FHIP2B: variants seen among roughly 807,000 people sequenced by gnomAD.
The protein encoded by FHIP2B is FHF complex subunit HOOK interacting protein 2B.
Under a neutral mutation model 84.0 loss-of-function variants are expected in FHIP2B, and 72 were observed. That is an observed-to-expected ratio of 0.86 (90% CI 0.71 to 1.04). The LOEUF (loss-of-function observed/expected upper bound fraction) is 1.04, where lower values mean the gene tolerates loss of function less well. Ranked by LOEUF, FHIP2B falls within the 50% of genes least tolerant of loss-of-function variation. The pLI is 0.00. For synonymous variants in FHIP2B, 497 were observed against 418.7 expected (o/e 1.19, Z -2.28); for missense variants, 972 against 968.9 (o/e 1.00, Z -0.04).
At chr8:22,101,984 C>A in intron 14 of FHIP2B, 133 bp downstream of exon 14, 1 of 1,498,222 alleles carries the variant, frequency 6.7e-7, no homozygotes, top group Non-Finnish European at 8.9e-7. Context: ...AGGTGGGAAG[C>A]CCCGTCTCAC....
At chr8:22,093,706 G>GTGTTT (rs1328224891) in intron 1 of FHIP2B, among the ~76,000 whole-genome samples, 1 of 36,212 alleles carries the variant, frequency 2.8e-5, no homozygotes, top group African/African-American at 1.3e-4. Context: ...GAAAAGCTTT[G>GTGTTT]TCTTTTTTTT....
At chr8:22,098,920 C>CT in intron 7 of FHIP2B, 28 bp from the exon 8 acceptor site, 1 of 1,557,372 alleles carries the variant, frequency 6.4e-7, no homozygotes, top group South Asian at 1.2e-5. Context: ...TCTCCACTCT[C>CT]TGAGACTTCA....
intron 9 of FHIP2B, 138 bp downstream of exon 9, chr8:22,099,498 G>C: frequency 2.7e-6 from 3 of 1,123,150 alleles, no homozygotes; most frequent in Non-Finnish European, 3.8e-6. Context: ...ATGTTTGCCA[G>C]GCCTGCCCCA....
intron 14 of FHIP2B, 36 bp from the exon 15 acceptor site, chr8:22,102,139 T>A: frequency 4.3e-6 from 7 of 1,612,884 alleles, no homozygotes; most frequent in Non-Finnish European, 5.9e-6. Context: ...TCACCAGCCC[T>A]GCCAGCCCTC....
rs543508376 is a variant in FHIP2B, at chr8:22,101,893, C to T, written c.1851+42C>T. 3.7e-6 allele frequency: 6 copies of T among 1,600,656 alleles called. No homozygotes were observed. The East Asian group carries it at 1.4e-4, about 36-fold the overall frequency. Reference sequence around the variant, plus strand: ...GGCCAGGAGAACTCCAGGCTGGTGCCTCTGGGGTCCTTCAAGAGCAGAGGT... The same window carrying T: ...GGCCAGGAGAACTCCAGGCTGGTGCTTCTGGGGTCCTTCAAGAGCAGAGGT... On this transcript the variant is annotated intron_variant, in intron 14 of 16. Transcript: ENST00000289921.
chr8:22,089,400 C>A, intron 1 of FHIP2B, 102 bp downstream of exon 1: 1 of 637,240 alleles, frequency 1.6e-6, no homozygotes, highest in Non-Finnish European at 1.9e-6. Context: ...CGGGCGGGCG[C>A]GGGCCCCCTC....
Position 22,091,689 on chromosome 8 carries a change from G to T in FHIP2B, c.45+2391G>T, listed in dbSNP as rs140288560. The stretch of plus-strand genomic sequence containing the variant: ...CTGTGCTGGTTAACCTGCCTCTCCC[G>T]TGTCTCCTGCCGTACTGGAGTATTC... On this transcript the variant is annotated intron_variant, in intron 1 of 16. Coordinates refer to ENST00000289921, the MANE Select transcript of FHIP2B (RefSeq NM_022749.7). Among the ~76,000 whole-genome samples the T allele has an allele frequency of 4.4e-4, 67 of 152,258 alleles. 2 individuals carry two copies. The East Asian group carries it at 0.012, about 28-fold the overall frequency.
chr8:22,095,639 G>T (rs954797556), intron 2 of FHIP2B: 4 of 152,278 alleles, frequency 2.6e-5, no homozygotes, highest in African/African-American at 9.6e-5. Flanking sequence ...GACCAGAAGG[G>T]TTGGAAGTGC....
Position 22,096,517 on chromosome 8 carries a change from GC to G in FHIP2B, c.297+11del, listed in dbSNP as rs1299213059. On this transcript the variant is annotated intron_variant, in intron 3 of 16. Coordinates refer to ENST00000289921, the MANE Select transcript of FHIP2B (RefSeq NM_022749.7). ...ACGCTGGGCAAGGCCGAGGTGGGAG[GC>G]CCTCTGCGCGCTGGGCCAGGCCGAG... The G allele has an allele frequency of 2.0e-6, 3 of 1,516,480 alleles. No individual in the cohort carries two copies. Among genetic ancestry groups the G allele is most frequent in the South Asian group, 1.3e-5 (1 of 79,910 alleles). The allele number at this position is 1,516,480 out of a possible 1,614,324, so 93.9% of individuals were successfully genotyped here. A position where few individuals can be genotyped will look rare whatever the true frequency, so the allele number is the denominator to read the frequency against.
rs747442134 is a variant in FHIP2B, at chr8:22,098,317, G to A, written c.768+7G>A. ...TGGGCTGTGCCAGAGCAAGGTGCTG[G>A]CAGCAGAGATGGAGAGGTTGGGGGT... On this transcript the variant is annotated splice_region_variant and intron_variant, in intron 6 of 16. Coordinates refer to ENST00000289921, the MANE Select transcript of FHIP2B (RefSeq NM_022749.7). The A allele has an allele frequency of 1.0e-5, 15 of 1,505,764 alleles. No homozygotes were observed. The South Asian group carries it at 1.7e-4, about 17-fold the overall frequency. 93.3% of individuals were successfully genotyped at this position (1,505,764 alleles called of 1,614,324 possible).
chr8:22,089,442 C>T (rs1046179085), intron 1 of FHIP2B, 144 bp downstream of exon 1: 62 of 293,708 alleles, frequency 2.1e-4, no homozygotes, highest in African/African-American at 1.3e-3. Flanking sequence ...GGCGCCCCTT[C>T]CTCTGCCTCC....
At position 22,101,493 on chromosome 8, in the gene FHIP2B, C is replaced by T. The variant is rs915266873; in HGVS notation, c.1670C>T (p.Thr557Ile). The T allele has an allele frequency of 8.1e-6, 13 of 1,612,662 alleles. No homozygotes were observed. In the African/African-American group the frequency reaches 1.3e-4, roughly 17 times the overall value. Residue 557 changes from threonine (T) to isoleucine (I), a missense_variant, in exon 13 of 17, where the codon ACA becomes ATA. Physicochemically the swap from Thr to Ile is moderately conservative, Grantham distance 89. Coordinates refer to ENST00000289921, the MANE Select transcript of FHIP2B (RefSeq NM_022749.7). ...EAKTSAFLEE[T>I]GYDTYVHDAY... is the part of the protein sequence containing the mutation. ...AAGACCTCTGCCTTCCTGGAGGAGA[C>T]AGGCTATGACACATACGTCCACGAT...
rs1826249346 is a variant in FHIP2B, at chr8:22,103,667, C to G, written c.*736C>G. ...TCTCTGGCGCCTTCTGAACCCGTCT[C>G]AGCAGGTCCACAGCACCTGGGCAGA... On this transcript the variant is annotated 3_prime_UTR_variant, in exon 17 of 17. Coordinates refer to ENST00000289921, the MANE Select transcript of FHIP2B (RefSeq NM_022749.7). 6.6e-6 allele frequency: 1 copy of G among 152,362 alleles called. No individual in the cohort carries two copies. The highest frequency in any genetic ancestry group is 2.1e-4 in the South Asian group (1 of 4,840). The allele number at this position is 152,362 out of a possible 1,614,324, so 9.4% of individuals were successfully genotyped here. A position where few individuals can be genotyped will look rare whatever the true frequency, so the allele number is the denominator to read the frequency against.
chr8:22,099,122 C>A (rs985463366), intron 8 of FHIP2B, 66 bp downstream of exon 8: 20 of 1,500,384 alleles, frequency 1.3e-5, no homozygotes, highest in Non-Finnish European at 1.8e-5. Context: ...TCTCGAGGAC[C>A]AAGTGGAGCA....
Position 22,102,317 on chromosome 8 carries a change from T to C in FHIP2B, c.1992+2T>C. 1 of 1,609,008 alleles carries C rather than the reference T, an allele frequency of 6.2e-7. No homozygotes were observed. On this transcript the variant is annotated splice_donor_variant, in intron 15 of 16. Transcript: ENST00000289921. LOFTEE classifies it high-confidence loss of function. ...AGCCTATTCTCCGTGTTGGTGAGGG[T>C]GAGGACGCCTCGGCCCAAGGGAGTG...
At position 22,101,477 on chromosome 8, in the gene FHIP2B, G is replaced by A; in HGVS notation, c.1654G>A (p.Ala552Thr). Residue 552 changes from alanine to threonine, a missense_variant, in exon 13 of 17, where the codon GCC becomes ACC. Physicochemically the swap from Ala to Thr is moderately conservative, Grantham distance 58 (BLOSUM62 0). Transcript: ENST00000289921. Reference sequence around the variant, plus strand: ...GGTCCCCGAGGAAGCCAAGACCTCTGCCTTCCTGGAGGAGACAGGCTATGA... The same window carrying A: ...GGTCCCCGAGGAAGCCAAGACCTCTACCTTCCTGGAGGAGACAGGCTATGA... ...CLVPEEAKTS[A>T]FLEETGYDTY... is the part of the protein sequence containing the mutation. 6.2e-7 allele frequency: 1 copy of A among 1,612,750 alleles called. No individual in the cohort carries two copies. The highest frequency in any genetic ancestry group is 8.5e-7 in the Non-Finnish European group (1 of 1,179,244).
intron 3 of FHIP2B, chr8:22,097,007 G>A (rs192190601): frequency 7.9e-4 from 139 of 175,410 alleles, no homozygotes; most frequent in African/African-American, 3.1e-3. Context: ...TCGTGAGACC[G>A]CACTCCTGCC....
At chr8:22,098,843 C>T (rs894281521) in intron 7 of FHIP2B, 105 bp from the exon 8 acceptor site, 6 of 1,065,402 alleles carry the variant, frequency 5.6e-6, no homozygotes, top group Non-Finnish European at 8.3e-6. Context: ...TCCCCAGCCA[C>T]AGAGGTTCCA....
In FHIP2B at chr8:22,102,945, C is replaced by T. The variant is rs777512701; in HGVS notation, c.*14C>T. 1.8e-5 allele frequency: 29 copies of T among 1,610,884 alleles called. No individual in the cohort carries two copies. The highest frequency in any genetic ancestry group is 1.1e-4 in the South Asian group (10 of 90,724). ...GGGCAGGTCTGAGCCAGCACCAGGG[C>T]GGTGGGAGACTCCTGTCCACACCTC... On this transcript the variant is annotated 3_prime_UTR_variant, in exon 17 of 17. Transcript: ENST00000289921.
Sources: allele counts gnomAD v4.1 joint callset (sites outside exome capture counted in the v4.1 genomes callset), GRCh38; gene constraint gnomAD v4.1.1; transcripts MANE v1.5; gene names NCBI Gene and HGNC (gene_info 2026-07-23, HGNC 2026-07-21).